ARHGAP10: variants seen among roughly 807,000 people sequenced by gnomAD.
ARHGAP10 encodes the protein Rho GTPase activating protein 10.
In ARHGAP10, 87 loss-of-function variants were observed where a neutral mutation model predicts 108.6. That is an observed-to-expected ratio of 0.80 (90% CI 0.67 to 0.96). ARHGAP10 has a LOEUF of 0.96. Ranked by LOEUF, ARHGAP10 falls within the 40% of genes least tolerant of loss-of-function variation. The pLI is 0.00. For missense variants in ARHGAP10, 939 were observed against 954.5 expected (o/e 0.98, Z 0.21); for synonymous variants, 347 against 341.1 (o/e 1.02, Z -0.19).
intron 5 of ARHGAP10, chr4:147,863,725 T>A (rs923646891): frequency 6.6e-6 from 1 of 152,192 alleles, no homozygotes; most frequent in Admixed American, 6.5e-5. Flanking sequence ...TTCTGGTTAA[T>A]GAAGCCACAA....
At chr4:147,757,869 G>C (rs138317566) in intron 1 of ARHGAP10, among the ~76,000 whole-genome samples, 112 of 152,260 alleles carry the variant, frequency 7.4e-4, no homozygotes, top group Admixed American at 2.0e-3. Context: ...GCCCATCCCT[G>C]TCCAGTCACC....
At chr4:147,865,877 A>T (rs781010762) in intron 6 of ARHGAP10, 2 of 152,214 alleles carry the variant, frequency 1.3e-5, no homozygotes, top group Non-Finnish European at 2.9e-5. Context: ...TTTATTGGGC[A>T]TTTATAATGC....
chr4:147,797,458 G>A (rs1193149936), intron 1 of ARHGAP10, among the ~76,000 whole-genome samples: 1 of 152,078 alleles, frequency 6.6e-6, no homozygotes, highest in Non-Finnish European at 1.5e-5. Flanking sequence ...GATGAAGTAG[G>A]CTGGAGTGCA....
chr4:147,765,800 G>A lies in ARHGAP10; in HGVS notation c.154+33345G>A, dbSNP rs532817848. On this transcript the variant is annotated intron_variant, in intron 1 of 22. Coordinates refer to ENST00000336498, the MANE Select transcript of ARHGAP10 (RefSeq NM_024605.4). ...GGGCGACACGATGAGACCCTGTCTC[G>A]ATAAAAACAAAAGAAGTTTCATGCA... 6.6e-5 allele frequency among the ~76,000 whole-genome samples: 10 copies of A among 151,532 alleles called. No homozygotes were observed. In the South Asian group the frequency reaches 1.7e-3, roughly 25 times the overall value.
rs923707456 is a variant in ARHGAP10 at position 147,939,836 on chromosome 4, C to T, written c.1240C>T (p.Gln414Ter). 2.5e-5 allele frequency: 41 copies of T among 1,613,720 alleles called. No individual in the cohort carries two copies. The highest frequency in any genetic ancestry group is 3.4e-5 in the Non-Finnish European group (40 of 1,179,852). Residue 414 changes from glutamine to a stop codon, truncating the protein, a stop_gained, in exon 14 of 23, where the codon CAA (glutamine) becomes TAA (stop). Coordinates refer to ENST00000336498, the MANE Select transcript of ARHGAP10 (RefSeq NM_024605.4). LOFTEE classifies it high-confidence loss of function. ...GTTTCTTCCCATAGGTATAAATGACCAAGGATTGTACAGAGTTGTGGGGGT... is the reference window on the plus strand; with the variant it reads ...GTTTCTTCCCATAGGTATAAATGACTAAGGATTGTACAGAGTTGTGGGGGT... Reference protein sequence around the residue: ...SAVETRGINDQGLYRVVGVSS... With the variant: ...SAVETRGIND
chr4:147,784,776 A>T lies in ARHGAP10; in HGVS notation c.155-37951A>T, dbSNP rs1470682567. ...ATTATAAAATGTATATTATAAATATAATATATTATAAAATATATATTATAA... is the reference window on the plus strand; with the variant it reads ...ATTATAAAATGTATATTATAAATATTATATATTATAAAATATATATTATAA... On this transcript the variant is annotated intron_variant, in intron 1 of 22. Transcript: ENST00000336498. 3.1e-4 allele frequency among the ~76,000 whole-genome samples: 9 copies of T among 29,196 alleles called. 2 individuals are homozygous for T. The highest frequency in any genetic ancestry group is 6.2e-4 in the Admixed American group (1 of 1,622). The allele number at this position is 29,196 out of a possible 152,430, so 19.2% of individuals were successfully genotyped here.
chr4:147,778,592 T>TG (rs1231517979), intron 1 of ARHGAP10, among the ~76,000 whole-genome samples: 1 of 152,218 alleles, frequency 6.6e-6, no homozygotes, highest in Admixed American at 6.5e-5. Context: ...AATATGCACG[T>TG]GTTCTCTCCC....
intron 18 of ARHGAP10, among the ~76,000 whole-genome samples, chr4:147,976,772 A>G (rs543016712): frequency 1.3e-5 from 2 of 152,290 alleles, no homozygotes; most frequent in East Asian, 1.9e-4. Context: ...CCTTGGGACC[A>G]GAGTGGTTTG....
intron 16 of ARHGAP10, among the ~76,000 whole-genome samples, chr4:147,960,652 A>C (rs985170289): frequency 6.6e-6 from 1 of 152,212 alleles, no homozygotes; most frequent in African/African-American, 2.4e-5. Context: ...GGGCTCAAAT[A>C]AGTATACAGC....
At chr4:147,914,562 C>A (rs1316218791) in intron 13 of ARHGAP10, among the ~76,000 whole-genome samples, 2 of 112,644 alleles carry the variant, frequency 1.8e-5, no homozygotes, top group South Asian at 3.7e-4. Flanking sequence ...GCGCTCCCCC[C>A]CCCCCCTTTT....
chr4:147,974,082 A>G (rs970924409), intron 18 of ARHGAP10, among the ~76,000 whole-genome samples: 4 of 151,940 alleles, frequency 2.6e-5, no homozygotes, highest in Admixed American at 2.6e-4. Context: ...ATCATATGGT[A>G]GCTCTATTTT....
At position 147,953,818 on chromosome 4, in the gene ARHGAP10, T is replaced by C. The variant is rs568221667; in HGVS notation, c.1392-1498T>C. Among the ~76,000 whole-genome samples the C allele has an allele frequency of 5.3e-5, 8 of 152,114 alleles. No individual in the cohort carries two copies. In the South Asian group the frequency reaches 1.7e-3, roughly 32 times the overall value. ...TGGGCTTAATTTACACTTCTTTTTT[T>C]TCCTCATAGCTCATTAAGGTACAAA... On this transcript the variant is annotated intron_variant, in intron 15 of 22. Transcript: ENST00000336498.
intron 1 of ARHGAP10, among the ~76,000 whole-genome samples, chr4:147,755,481 C>A (rs1729328362): frequency 3.9e-5 from 6 of 152,070 alleles, no homozygotes; most frequent in Admixed American, 3.9e-4. Context: ...CGAGATCACG[C>A]CATTGCACTC....
intron 1 of ARHGAP10, among the ~76,000 whole-genome samples, chr4:147,813,781 CATT>C (rs996131424): frequency 8.5e-5 from 13 of 152,170 alleles, no homozygotes; most frequent in Non-Finnish European, 1.6e-4. Flanking sequence ...ATTGTATTCT[CATT>C]ATTTAAGGCT....
chr4:148,004,772 C>T (rs1740877158), intron 18 of ARHGAP10, among the ~76,000 whole-genome samples: 2 of 152,190 alleles, frequency 1.3e-5, no homozygotes, highest in African/African-American at 4.8e-5. Flanking sequence ...TGGCTGACAC[C>T]TTGATTATAG....
At chr4:148,008,986 A>G (rs1323077080) in intron 18 of ARHGAP10, among the ~76,000 whole-genome samples, 1 of 152,184 alleles carries the variant, frequency 6.6e-6, no homozygotes, top group African/African-American at 2.4e-5. Context: ...TTATGTTAAT[A>G]TGTAATGGTT....
intron 1 of ARHGAP10, among the ~76,000 whole-genome samples, chr4:147,817,602 A>G (rs999046795): frequency 1.3e-5 from 2 of 152,100 alleles, no homozygotes; most frequent in Admixed American, 6.6e-5. Flanking sequence ...CTCATCTCTC[A>G]AACTGCTCCT....
At chr4:147,868,368 C>A (rs1370885929) in intron 7 of ARHGAP10, among the ~76,000 whole-genome samples, 1 of 152,008 alleles carries the variant, frequency 6.6e-6, no homozygotes, top group East Asian at 1.9e-4. Context: ...TCCTGAGTAG[C>A]TGGGACTGCA....
At chr4:147,835,138 G>A (rs1158344112) in intron 3 of ARHGAP10, among the ~76,000 whole-genome samples, 2 of 152,080 alleles carry the variant, frequency 1.3e-5, no homozygotes, top group Non-Finnish European at 2.9e-5. Flanking sequence ...ATGAGCCACC[G>A]TGTTCTCACA....
Sources: gnomAD v4.1 joint callset for allele counts (sites outside exome capture counted in the v4.1 genomes callset) on GRCh38, gnomAD v4.1.1 for gene constraint, MANE v1.5 for transcripts, NCBI Gene and HGNC (gene_info 2026-07-23, HGNC 2026-07-21) for gene names.